The following MBNL3 variants were observed in gnomAD, a reference collection of about 807,000 sequenced individuals.
MBNL3 encodes muscleblind like splicing regulator 3, also known as muscleblind-like protein 3.
MBNL3 carries 6 observed loss-of-function variants against 24.5 expected under a neutral mutation model. The observed-to-expected ratio is 0.25, with a 90% CI of 0.13 to 0.48. MBNL3 has a LOEUF of 0.48. Ranked by LOEUF, MBNL3 falls within the 20% of genes least tolerant of loss-of-function variation. The pLI is 0.99. For missense variants in MBNL3, 230 were observed against 293.5 expected (o/e 0.78, Z 1.58); for synonymous variants, 100 against 101.7 (o/e 0.98, Z 0.10).
intron 1 of MBNL3, among the ~76,000 whole-genome samples, chrX:132,454,048 T>G (rs1946249166): frequency 8.9e-6 from 1 of 111,860 alleles, no homozygotes; most frequent in Admixed American, 9.4e-5. Context: ...ATGGAGATCA[T>G]GCCATTACAC....
At chrX:132,438,714 T>C (rs1945248171) in intron 2 of MBNL3, among the ~76,000 whole-genome samples, 1 of 104,852 alleles carries the variant, frequency 9.5e-6, no homozygotes, top group Non-Finnish European at 2.0e-5. Flanking sequence ...TCCTATATAA[T>C]ACCTCATCTG....
Position 132,378,120 on chromosome X carries a change from G to A in MBNL3, c.*1546C>T, listed in dbSNP as rs771345697. On this transcript the variant is annotated 3_prime_UTR_variant, in exon 9 of 9. Coordinates refer to ENST00000370853, the MANE Select transcript of MBNL3 (RefSeq NM_001386889.1). ...TTTTCAAACATATATAAAGGCAAAC[G>A]AATCCAAACAAGCATAAAAGAGGCT... 8 of 110,567 alleles carry A rather than the reference G, an allele frequency of 7.2e-5. No homozygotes were observed. Among genetic ancestry groups the A allele is most frequent in the Non-Finnish European group, 1.5e-4 (8 of 52,814 alleles). The allele number at this position is 110,567 out of a possible 1,213,427, so 9.1% of individuals were successfully genotyped here.
chrX:132,413,824 A>G (rs1401552539), intron 2 of MBNL3, among the ~76,000 whole-genome samples: 1 of 111,605 alleles, frequency 9.0e-6, no homozygotes, highest in Non-Finnish European at 1.9e-5. Flanking sequence ...GTAACTCCGA[A>G]TTTACAGAAC....
At chrX:132,444,802 T>A (rs1429467837) in intron 1 of MBNL3, among the ~76,000 whole-genome samples, 3 of 111,572 alleles carry the variant, frequency 2.7e-5, no homozygotes, top group African/African-American at 9.8e-5. Context: ...AAAAAAGAAC[T>A]GCAGATTTTA....
rs147432996 is a variant in MBNL3 at position 132,380,092 on chromosome X, G to A, written c.1054-415C>T. On this transcript the variant is annotated intron_variant, in intron 8 of 8. Transcript: ENST00000370853. The stretch of plus-strand genomic sequence containing the variant: ...CTGAATGTTTTAGAGCCATGCAGAA[G>A]TAGCCTACCTGTGAAATCTGGGTAT... Among the ~76,000 whole-genome samples the A allele has an allele frequency of 7.0e-3, 786 of 112,451 alleles. 9 individuals carry two copies. The highest frequency in any genetic ancestry group is 0.024 in the African/African-American group (753 of 31,032).
chrX:132,423,555 C>T (rs922875850), intron 2 of MBNL3, among the ~76,000 whole-genome samples: 2 of 111,687 alleles, frequency 1.8e-5, no homozygotes, highest in East Asian at 5.6e-4. Flanking sequence ...GATCAAAAGC[C>T]GAAGTATCAA....
chrX:132,380,593 G>A (rs774848854), intron 8 of MBNL3, among the ~76,000 whole-genome samples: 3 of 111,479 alleles, frequency 2.7e-5, no homozygotes, highest in East Asian at 2.8e-4. Context: ...ACTAGTTCAC[G>A]AGGGAACAGA....
chrX:132,470,291 C>T (rs1947110101), intron 1 of MBNL3, among the ~76,000 whole-genome samples: 1 of 111,397 alleles, frequency 9.0e-6, no homozygotes. Flanking sequence ...TAATTACTTA[C>T]ATGATCAGAG....
chrX:132,424,722 G>A (rs1259151763), intron 2 of MBNL3, among the ~76,000 whole-genome samples: 3 of 109,161 alleles, frequency 2.7e-5, no homozygotes, highest in Non-Finnish European at 5.7e-5. Flanking sequence ...CTTTCTCAAT[G>A]GGTGTCTCTT....
intron 1 of MBNL3, among the ~76,000 whole-genome samples, chrX:132,471,860 C>G (rs1026707994): frequency 1.8e-5 from 2 of 112,355 alleles, no homozygotes; most frequent in Non-Finnish European, 3.8e-5. Flanking sequence ...ATAATACATA[C>G]GTAGTCTGTA....
chrX:132,455,427 C>T (rs182836473), intron 1 of MBNL3, among the ~76,000 whole-genome samples: 5 of 111,935 alleles, frequency 4.5e-5, no homozygotes, highest in East Asian at 2.8e-4. Context: ...AAAAGCGATA[C>T]GGACAATCAA....
intron 2 of MBNL3, among the ~76,000 whole-genome samples, chrX:132,439,022 A>G (rs1251739590): frequency 3.6e-5 from 4 of 110,462 alleles, no homozygotes; most frequent in Non-Finnish European, 7.6e-5. Context: ...TACTATGGAT[A>G]ATATGCTATA....
rs867493691 is a variant in MBNL3 at position 132,381,508 on chromosome X, C to A, written c.1053+670G>T. 5 of 637,823 alleles carry A rather than the reference C, an allele frequency of 7.8e-6. No homozygotes were observed. In the Admixed American group the frequency reaches 1.6e-4, roughly 20 times the overall value. The allele number at this position is 637,823 out of a possible 1,213,427, so 52.6% of individuals were successfully genotyped here. ...TGTTTATGTTGTTATATATGTGGAT[C>A]TTTTAGTCTATAAGCATGGTTCCCA... is the stretch of plus-strand genomic sequence containing the variant. On this transcript the variant is annotated intron_variant, in intron 8 of 8. Transcript: ENST00000370853.
intron 3 of MBNL3, among the ~76,000 whole-genome samples, chrX:132,402,024 A>G (rs1950994267): frequency 8.9e-6 from 1 of 112,098 alleles, no homozygotes; most frequent in Admixed American, 9.5e-5. Flanking sequence ...AAACCTAGAG[A>G]GGAAGACTTG....
At chrX:132,384,898 G>C (rs1306597710) in intron 6 of MBNL3, among the ~76,000 whole-genome samples, 200 bp from the exon 7 acceptor site, 1 of 111,791 alleles carries the variant, frequency 8.9e-6, no homozygotes, top group Non-Finnish European at 1.9e-5. Context: ...ATAATTCTTG[G>C]ATTCTTAGGT....
chrX:132,429,654 G>A (rs760796263), intron 2 of MBNL3, among the ~76,000 whole-genome samples: 5 of 111,994 alleles, frequency 4.5e-5, no homozygotes, highest in South Asian at 3.8e-4. Flanking sequence ...GCTTATCCAC[G>A]CCTTACTTTA....
rs1330067464 is a variant in MBNL3, at chrX:132,460,290, TCTTA to T, written c.-703-19980_-703-19977del. 4.5e-5 allele frequency among the ~76,000 whole-genome samples: 5 copies of T among 112,062 alleles called. No homozygotes were observed. The South Asian group carries it at 1.1e-3, about 25-fold the overall frequency. ...AATTGGAAACTTTAAACAACTAGGT[TCTTA>T]CTTAAGAGAACAAGAGAAACAAAAT... On this transcript the variant is annotated intron_variant, in intron 1 of 8. Transcript: ENST00000370853.
chrX:132,488,779 A>G (rs1034863836), intron 1 of MBNL3, 72 bp downstream of exon 1: 5 of 112,912 alleles, frequency 4.4e-5, no homozygotes, highest in Admixed American at 9.2e-5. Flanking sequence ...AATGAAGTTT[A>G]AAAGGCATTA....
At chrX:132,445,543 T>C (rs1172435629) in intron 1 of MBNL3, among the ~76,000 whole-genome samples, 1 of 111,399 alleles carries the variant, frequency 9.0e-6, no homozygotes, top group Non-Finnish European at 1.9e-5. Flanking sequence ...ACTCCTGGGA[T>C]AGTAAATTCC....
Sources: gnomAD v4.1 joint callset for allele counts (sites outside exome capture counted in the v4.1 genomes callset) on GRCh38, gnomAD v4.1.1 for gene constraint, MANE v1.5 for transcripts, NCBI Gene and HGNC (gene_info 2026-07-23, HGNC 2026-07-21) for gene names.